ANK3: variants seen among roughly 807,000 people sequenced by gnomAD.
The protein encoded by ANK3 is ankyrin-3.
Under a neutral mutation model 370.9 loss-of-function variants are expected in ANK3, and 57 were observed. The ratio of observed to expected loss-of-function variants is 0.15; its 90% CI spans 0.12 to 0.19. The LOEUF is 0.19. Among genes scored for constraint, ANK3 ranks in the 10% least tolerant of loss-of-function variants. The probability of loss-of-function intolerance (pLI) is 1.00; values close to 1 mark genes in which losing one functional copy is unlikely to be tolerated. For synonymous variants in ANK3, 1,929 were observed against 1,946.3 expected (o/e 0.99, Z 0.23); for missense variants, 4,439 against 5,302.1 (o/e 0.84, Z 5.06).
intron 2 of ANK3, among the ~76,000 whole-genome samples, chr10:60,438,428 C>T (rs867582904): frequency 4.5e-4 from 68 of 152,168 alleles, no homozygotes; most frequent in Admixed American, 8.5e-4. Flanking sequence ...CCCACCTTCC[C>T]GCTCCTCTGC....
At chr10:60,437,774 A>G (rs186765336) in intron 2 of ANK3, among the ~76,000 whole-genome samples, 4 of 152,236 alleles carry the variant, frequency 2.6e-5, no homozygotes, top group African/African-American at 9.6e-5. Flanking sequence ...TTCACATTAG[A>G]TCTTTTCACC....
At chr10:60,224,588 G>C (rs1271790867) in intron 8 of ANK3, among the ~76,000 whole-genome samples, 1 of 152,064 alleles carries the variant, frequency 6.6e-6, no homozygotes, top group Non-Finnish European at 1.5e-5. Flanking sequence ...TTCGTGGTTT[G>C]GGAAATATTT....
At chr10:60,404,431 A>G (rs1225998189) in intron 2 of ANK3, among the ~76,000 whole-genome samples, 1 of 152,178 alleles carries the variant, frequency 6.6e-6, no homozygotes, top group Non-Finnish European at 1.5e-5. Context: ...ACAGACTTAC[A>G]CTTATATCAT....
intron 28 of ANK3, among the ~76,000 whole-genome samples, chr10:60,094,336 C>T (rs374334790): frequency 7.8e-4 from 119 of 151,906 alleles, no homozygotes; most frequent in African/African-American, 2.7e-3. Context: ...TACAGCCATG[C>T]GCTACCATGC....
At chr10:60,695,789 G>A (rs1300507796) in intron 1 of ANK3, among the ~76,000 whole-genome samples, 1 of 152,114 alleles carries the variant, frequency 6.6e-6, no homozygotes, top group African/African-American at 2.4e-5. Context: ...AATGCCCATA[G>A]GAGAAAGCAG....
chr10:60,081,094 A>G (rs949885658), intron 35 of ANK3, among the ~76,000 whole-genome samples: 3 of 152,092 alleles, frequency 2.0e-5, no homozygotes, highest in Non-Finnish European at 4.4e-5. Flanking sequence ...TGGGGCGGGC[A>G]GAGGAGGGTA....
At chr10:60,665,825 A>T (rs765579006) in intron 1 of ANK3, among the ~76,000 whole-genome samples, 3 of 152,206 alleles carry the variant, frequency 2.0e-5, no homozygotes, top group Non-Finnish European at 2.9e-5. Context: ...ATTAAGTATT[A>T]TATTTTTTAG....
chr10:60,501,470 C>T (rs1009629507), intron 2 of ANK3, among the ~76,000 whole-genome samples: 3 of 151,986 alleles, frequency 2.0e-5, no homozygotes, highest in Non-Finnish European at 2.9e-5. Context: ...TTTAGGAGGC[C>T]GAGGCAGGCA....
At chr10:60,516,253 C>T (rs527901879) in intron 2 of ANK3, among the ~76,000 whole-genome samples, 1 of 151,950 alleles carries the variant, frequency 6.6e-6, no homozygotes, top group South Asian at 2.1e-4. Flanking sequence ...CAGTAGCCCC[C>T]AAAAAGAGAA....
At chr10:60,618,814 G>A (rs1362037889) in intron 1 of ANK3, among the ~76,000 whole-genome samples, 2 of 152,088 alleles carry the variant, frequency 1.3e-5, no homozygotes, top group African/African-American at 4.8e-5. Flanking sequence ...CTCCTCTACA[G>A]CTCACCACAT....
At chr10:60,380,827 T>C (rs977765154) in intron 1 of ANK3, among the ~76,000 whole-genome samples, 32 of 152,182 alleles carry the variant, frequency 2.1e-4, no homozygotes, top group Non-Finnish European at 7.3e-5. Flanking sequence ...ACACTGATAA[T>C]TCTAAGTGGC....
At chr10:60,539,873 GTT>G (rs1282174787) in intron 2 of ANK3, among the ~76,000 whole-genome samples, 2 of 151,824 alleles carry the variant, frequency 1.3e-5, no homozygotes, top group East Asian at 3.9e-4. Context: ...TGATAGATAC[GTT>G]TTCTTATACC....
rs187197640 is a variant in ANK3, at chr10:60,285,731, T to A, written c.115-6092A>T. Among the ~76,000 whole-genome samples, 10 of 152,250 alleles carry A rather than the reference T, an allele frequency of 6.6e-5. No individual in the cohort carries two copies. In the East Asian group the frequency reaches 1.7e-3, roughly 26 times the overall value. On this transcript the variant is annotated intron_variant, in intron 1 of 43. Coordinates refer to ENST00000280772, the MANE Select transcript of ANK3 (RefSeq NM_020987.5). ...GTGCTCATCCTCACCCCAAGACATT[T>A]CCATGTCCCACAATTCCCTCACTCA... is the stretch of plus-strand genomic sequence containing the variant.
At chr10:60,194,361 T>C (rs1187879138) in intron 16 of ANK3, among the ~76,000 whole-genome samples, 1 of 152,186 alleles carries the variant, frequency 6.6e-6, no homozygotes, top group Admixed American at 6.5e-5. Context: ...TCTGCAGAAC[T>C]TTTTAGTCTT....
intron 2 of ANK3, among the ~76,000 whole-genome samples, chr10:60,465,789 CTTTT>C (rs1205787609): frequency 9.1e-6 from 1 of 109,706 alleles, no homozygotes; most frequent in Admixed American, 9.0e-5. Flanking sequence ...TTTTTTCTTT[CTTTT>C]TTTTTTTTTT....
chr10:60,652,554 T>C (rs1338045575), intron 1 of ANK3, among the ~76,000 whole-genome samples: 1 of 151,870 alleles, frequency 6.6e-6, no homozygotes, highest in Non-Finnish European at 1.5e-5. Context: ...AATGGGGGCA[T>C]GATCGTGTAA....
chr10:60,367,169 A>G (rs1348281753), intron 1 of ANK3, among the ~76,000 whole-genome samples: 3 of 152,164 alleles, frequency 2.0e-5, no homozygotes, highest in African/African-American at 7.2e-5. Flanking sequence ...TTCCTGTTAG[A>G]TGTCTATTAC....
chr10:60,626,962 T>C (rs2078419814), intron 1 of ANK3, among the ~76,000 whole-genome samples: 1 of 151,526 alleles, frequency 6.6e-6, no homozygotes, highest in African/African-American at 2.4e-5. Context: ...GATCATGAGA[T>C]TGGAGGAAGG....
intron 2 of ANK3, among the ~76,000 whole-genome samples, chr10:60,509,637 A>G (rs543340564): frequency 9.2e-5 from 14 of 152,276 alleles, no homozygotes; most frequent in African/African-American, 3.1e-4. Context: ...AGAGTCTGCA[A>G]TTGTGCACTT....
Sources: gnomAD v4.1 joint callset for allele counts (sites outside exome capture counted in the v4.1 genomes callset) on GRCh38, gnomAD v4.1.1 for gene constraint, MANE v1.5 for transcripts, NCBI Gene and HGNC (gene_info 2026-07-23, HGNC 2026-07-21) for gene names.